Variants in GRM6 observed in about 807,000 individuals in gnomAD.
GRM6 encodes the protein metabotropic glutamate receptor 6.
In GRM6, 73 loss-of-function variants were observed where a neutral mutation model predicts 78.4. The observed-to-expected ratio is 0.93, with a 90% CI of 0.77 to 1.13. The LOEUF is 1.13. Among genes scored for constraint, GRM6 ranks in the 50% most tolerant of loss-of-function variants. GRM6 has a pLI of 0.00. For synonymous variants in GRM6, 580 were observed against 555.0 expected, an observed-to-expected ratio of 1.05 and a Z score of -0.63; for missense variants, 1,251 against 1,256.4, an observed-to-expected ratio of 1.00 and a Z score of 0.07.
intron 6 of GRM6, 54 bp downstream of exon 6, chr5:178,989,211 A>AGCCCCCCCCCCCCCC: frequency 1.6e-5 from 2 of 121,736 alleles, no homozygotes; most frequent in Non-Finnish European, 2.6e-5. Flanking sequence ...CCCCCTCCCC[A>AGCCCCCCCCCCCCCC]CCCTCACCAC....
In GRM6 at chr5:178,979,709, CTG is replaced by C. The variant is rs1347913319; in HGVS notation, c.*1946_*1947del. On this transcript the variant is annotated 3_prime_UTR_variant, in exon 11 of 11. Coordinates refer to ENST00000517717, the MANE Select transcript of GRM6 (RefSeq NM_000843.4). ...TGGAGAAAACCACATGAATGTAAAACTGTGGAAAAGTTTTCAGCTAGAAGCCA... is the reference window on the plus strand; with the variant it reads ...TGGAGAAAACCACATGAATGTAAAACTGGAAAAGTTTTCAGCTAGAAGCCA... 2.6e-5 allele frequency: 4 copies of C among 152,244 alleles called. No individual in the cohort carries two copies. The highest frequency in any genetic ancestry group is 4.4e-5 in the Non-Finnish European group (3 of 68,044). 9.4% of individuals were successfully genotyped at this position (152,244 alleles called of 1,614,324 possible).
rs1285317329 is a variant in GRM6, at chr5:178,994,912, C to T, written c.33G>A (p.Leu11=). Residue 11 remains leucine, a synonymous_variant, in exon 2 of 11, where the codon CTG becomes CTA. Transcript: ENST00000517717. ...ACGCCAGCGGCAGCAGCGCCACGAGCAGCGGCTCCCGGGCTCTCCGGGGCC... is the reference window on the plus strand; with the variant it reads ...ACGCCAGCGGCAGCAGCGCCACGAGTAGCGGCTCCCGGGCTCTCCGGGGCC... The part of the protein sequence containing the change: MARPRRAREP[L]LVALLPLAWL... The T allele has an allele frequency of 9.9e-6, 12 of 1,207,112 alleles. No individual in the cohort carries two copies. Among genetic ancestry groups the T allele is most frequent in the Non-Finnish European group, 1.1e-5 (11 of 970,618 alleles). 74.8% of individuals were successfully genotyped at this position (1,207,112 alleles called of 1,614,324 possible). A position where few individuals can be genotyped will look rare whatever the true frequency, so the allele number is the denominator to read the frequency against.
Position 178,992,870 on chromosome 5 carries a change from A to G in GRM6, c.505-787T>C, listed in dbSNP as rs1222880549. Among the ~76,000 whole-genome samples, 3 of 152,002 alleles carry G rather than the reference A, an allele frequency of 2.0e-5. No individual in the cohort carries two copies. The highest frequency in any genetic ancestry group is 4.8e-5 in the African/African-American group (2 of 41,386). On this transcript the variant is annotated intron_variant, in intron 2 of 10. Coordinates refer to ENST00000517717, the MANE Select transcript of GRM6 (RefSeq NM_000843.4). The surrounding 1 kb of genome is among the most constrained non-coding windows in gnomAD (Gnocchi z 4.9). ...AGCCGGGAGTGGCAGGGAGAGAGAA[A>G]GAAAGAGGGAAGGTGGGGCTGGAGA...
At chr5:178,985,811 G>A (rs974097087) in intron 9 of GRM6, 2 of 528,660 alleles carry the variant, frequency 3.8e-6, no homozygotes, top group African/African-American at 1.9e-5. Context: ...ACCCAAGCTG[G>A]ATTGTAGTGG....
intron 5 of GRM6, 54 bp from the exon 6 acceptor site, chr5:178,989,459 C>T (rs1581896896): frequency 6.2e-7 from 1 of 1,610,880 alleles, no homozygotes; most frequent in Admixed American, 1.7e-5. Context: ...AGCTGTGTTT[C>T]TCCTGTGTCT....
chr5:178,989,428 A>G (rs1309823188), intron 5 of GRM6, 23 bp from the exon 6 acceptor site: 1 of 1,613,104 alleles, frequency 6.2e-7, no homozygotes, highest in Admixed American at 1.7e-5. Context: ...AAGAAGGGGG[A>G]GGGTGGCGCT....
At position 178,979,699 on chromosome 5, in the gene GRM6, G is replaced by C. The variant is rs17078837; in HGVS notation, c.*1958C>G. On this transcript the variant is annotated 3_prime_UTR_variant, in exon 11 of 11. Transcript: ENST00000517717. ...GAGTTCACAGTGGAGAAAACCACAT[G>C]AATGTAAAACTGTGGAAAAGTTTTC... 0.036 allele frequency: 5,425 copies of C among 152,358 alleles called. 176 individuals carry two copies. Among genetic ancestry groups the C allele is most frequent in the East Asian group, 0.15 (752 of 5,180 alleles). 9.4% of individuals were successfully genotyped at this position (152,358 alleles called of 1,614,324 possible).
rs752913258 is a variant in GRM6, at chr5:178,986,913, G to C, written c.1425C>G (p.Tyr475Ter). 1.2e-6 allele frequency: 2 copies of C among 1,614,164 alleles called. No individual in the cohort carries two copies. The highest frequency in any genetic ancestry group is 1.7e-6 in the Non-Finnish European group (2 of 1,180,018). Residue 475 changes from tyrosine to a stop codon, truncating the protein, a stop_gained, in exon 8 of 11, where the codon TAC becomes TAG. Coordinates refer to ENST00000517717, the MANE Select transcript of GRM6 (RefSeq NM_000843.4). LOFTEE classifies it high-confidence loss of function. ...TGCTGGCACTGCCATTGGTCGCCTG[G>C]TACTGGAAGATGTCGTACCGCCCGG... ...DAPGRYDIFQ[Y>*]QATNGSASSG...
intron 9 of GRM6, chr5:178,983,466 C>T (rs886128111): frequency 1.5e-6 from 1 of 685,630 alleles, no homozygotes; most frequent in African/African-American, 1.8e-5. Context: ...AAGGGCTGTG[C>T]CGCCCGTATA....
chr5:178,993,528 C>G (rs1252190957), intron 2 of GRM6, among the ~76,000 whole-genome samples: 1 of 152,166 alleles, frequency 6.6e-6, no homozygotes, highest in Non-Finnish European at 1.5e-5. Context: ...AACACAGACG[C>G]TGCGCCCGGG....
rs751500787 is a variant in GRM6 at position 178,992,190 on chromosome 5, T to C, written c.505-107A>G. On this transcript the variant is annotated intron_variant, in intron 2 of 10. Transcript: ENST00000517717. The surrounding 1 kb of genome is among the most constrained non-coding windows in gnomAD (Gnocchi z 4.9). ...GACGGGGCACAGAAGGTGTGTGGCA[T>C]GGACCTGGGACACAGATGGGAGATG... 1 of 773,462 alleles carries C rather than the reference T, an allele frequency of 1.3e-6. No individual in the cohort carries two copies. The highest frequency in any genetic ancestry group is 1.7e-5 in the African/African-American group (1 of 58,808). 47.9% of individuals were successfully genotyped at this position (773,462 alleles called of 1,614,324 possible).
intron 2 of GRM6, among the ~76,000 whole-genome samples, chr5:178,993,635 C>T (rs1760721165): frequency 6.6e-6 from 1 of 152,144 alleles, no homozygotes; most frequent in African/African-American, 2.4e-5. Flanking sequence ...ACAGGCCCCT[C>T]CCGCCACAGA....
chr5:178,990,945 C>T (rs1760658482), intron 4 of GRM6, among the ~76,000 whole-genome samples, 199 bp from the exon 5 acceptor site: 1 of 152,178 alleles, frequency 6.6e-6, no homozygotes, highest in African/African-American at 2.4e-5. Context: ...CTTGCTCTGC[C>T]CACTGTAACC....
chr5:178,989,797 C>A, intron 5 of GRM6: 1 of 339,354 alleles, frequency 2.9e-6, no homozygotes, highest in Non-Finnish European at 5.7e-6. Flanking sequence ...CATCTTGTGA[C>A]TATGAGACCA....
intron 2 of GRM6, among the ~76,000 whole-genome samples, chr5:178,994,014 A>C (rs1257497632): frequency 6.6e-6 from 1 of 152,240 alleles, no homozygotes; most frequent in African/African-American, 2.4e-5. Flanking sequence ...CTGCTCTGGA[A>C]GAAGGGCCCG....
intron 9 of GRM6, among the ~76,000 whole-genome samples, chr5:178,984,406 C>T (rs763605785): frequency 5.3e-5 from 8 of 152,266 alleles, no homozygotes; most frequent in African/African-American, 1.2e-4. Flanking sequence ...TAAGTGCAGG[C>T]GAATTGAAGC....
chr5:178,981,460 A>T lies in GRM6; in HGVS notation c.*197T>A. 5.2e-6 allele frequency: 3 copies of T among 573,590 alleles called. No individual in the cohort carries two copies. The highest frequency in any genetic ancestry group is 6.2e-6 in the Non-Finnish European group (2 of 320,218). The allele number at this position is 573,590 out of a possible 1,614,324, so 35.5% of individuals were successfully genotyped here. ...CGAGTCTGGTCTGTGGTGAGGAAGC[A>T]TGAAGCTCACATGCTGGAATCGGGG... On this transcript the variant is annotated 3_prime_UTR_variant, in exon 11 of 11. Transcript: ENST00000517717. This position sits in a 1 kb window ranked among gnomAD's most constrained non-coding sequence, Gnocchi z 5.1.
rs1429950947 is a variant in GRM6, at chr5:178,992,509, C to A, written c.505-426G>T. Reference sequence around the variant, plus strand: ...AGGGGTGGTCCGCAGGGACAGGCAGCCCTAGGAGGGATTAGGGCAGACAGG... The same window carrying A: ...AGGGGTGGTCCGCAGGGACAGGCAGACCTAGGAGGGATTAGGGCAGACAGG... On this transcript the variant is annotated intron_variant, in intron 2 of 10. Transcript: ENST00000517717. This position sits in a 1 kb window ranked among gnomAD's most constrained non-coding sequence, Gnocchi z 4.9. 5 of 348,574 alleles carry A rather than the reference C, an allele frequency of 1.4e-5. No individual in the cohort carries two copies. Among genetic ancestry groups the A allele is most frequent in the Non-Finnish European group, 2.3e-5 (4 of 175,046 alleles). The allele number at this position is 348,574 out of a possible 1,614,324, so 21.6% of individuals were successfully genotyped here.
Position 178,991,944 on chromosome 5 carries a change from T to A in GRM6, c.644A>T (p.Tyr215Phe), listed in dbSNP as rs1187587602. The A allele has an allele frequency of 6.2e-7, 1 of 1,614,060 alleles. No homozygotes were observed. Among genetic ancestry groups the A allele is most frequent in the Non-Finnish European group, 8.5e-7 (1 of 1,180,002 alleles). ...VDIVRALGWN[Y>F]VSTLASEGNY... is the part of the protein sequence containing the mutation. Reference sequence around the variant, plus strand: ...GCCCTCGGAGGCCAGCGTGGACACATAGTTCCATCCCAGTGCCCTCACGAT... The same window carrying A: ...GCCCTCGGAGGCCAGCGTGGACACAAAGTTCCATCCCAGTGCCCTCACGAT... Residue 215 changes from tyrosine to phenylalanine, a missense_variant, in exon 3 of 11, where the codon TAT becomes TTT. Coordinates refer to ENST00000517717, the MANE Select transcript of GRM6 (RefSeq NM_000843.4). The surrounding 1 kb of genome is among the most constrained non-coding windows in gnomAD (Gnocchi z 5.0).
Sources: gnomAD v4.1 joint callset for allele counts (sites outside exome capture counted in the v4.1 genomes callset) on GRCh38, gnomAD v4.1.1 for gene constraint, Gnocchi (gnomAD v3.1) non-coding constraint, MANE v1.5 for transcripts, NCBI Gene and HGNC (gene_info 2026-07-23, HGNC 2026-07-21) for gene names.